TANC1: variants seen among roughly 807,000 people sequenced by gnomAD.
TANC1 encodes the protein tetratricopeptide repeat, ankyrin repeat and coiled-coil containing 1.
A neutral mutation model predicts 149.7 loss-of-function variants in TANC1; 77 were observed. The observed-to-expected ratio is 0.51, with a 90% CI of 0.43 to 0.62. The LOEUF (loss-of-function observed/expected upper bound fraction) is 0.62. Ranked by LOEUF, TANC1 falls within the 20% of genes least tolerant of loss-of-function variation. The pLI, the probability that TANC1 is intolerant of heterozygous loss-of-function variation, is 0.00. For synonymous variants in TANC1, 854 were observed against 925.0 expected, an observed-to-expected ratio of 0.92 and a Z score of 1.39; for missense variants, 1,985 against 2,321.8, an observed-to-expected ratio of 0.85 and a Z score of 2.98.
At chr2:158,994,017 C>T (rs984218009) in intron 1 of TANC1, among the ~76,000 whole-genome samples, 1 of 152,170 alleles carries the variant, frequency 6.6e-6, no homozygotes, top group African/African-American at 2.4e-5. Context: ...ATTGTTTGGA[C>T]CATGCACTAG....
At position 159,001,523 on chromosome 2, in the gene TANC1, A is replaced by G. The variant is rs1440002515; in HGVS notation, c.-16+334A>G. 6.6e-6 allele frequency among the ~76,000 whole-genome samples: 1 copy of G among 152,212 alleles called. No homozygotes were observed. The highest frequency in any genetic ancestry group is 1.5e-5 in the Non-Finnish European group (1 of 68,030). On this transcript the variant is annotated intron_variant, in intron 2 of 26. Coordinates refer to ENST00000263635, the MANE Select transcript of TANC1 (RefSeq NM_033394.3). The surrounding 1 kb of genome is among the most constrained non-coding windows in gnomAD (Gnocchi z 4.3). Reference sequence around the variant, plus strand: ...GGTTAAAACGGTAAATTTTATGTCTATTTTATCACAATGAAAAATAAAAAC... The same window carrying G: ...GGTTAAAACGGTAAATTTTATGTCTGTTTTATCACAATGAAAAATAAAAAC...
chr2:159,032,905 T>C (rs2039896105), intron 2 of TANC1, among the ~76,000 whole-genome samples: 1 of 152,224 alleles, frequency 6.6e-6, no homozygotes, highest in Admixed American at 6.5e-5. Context: ...ATATGACTTC[T>C]GTCTTTGATA....
At chr2:159,060,130 C>T (rs937578498) in intron 2 of TANC1, 11 of 963,600 alleles carry the variant, frequency 1.1e-5, no homozygotes, top group East Asian at 1.1e-4. Flanking sequence ...AGACTAACTA[C>T]GTTTTAAGAA....
intron 3 of TANC1, among the ~76,000 whole-genome samples, chr2:159,067,256 A>G (rs2042752538): frequency 6.6e-6 from 1 of 152,182 alleles, no homozygotes; most frequent in Admixed American, 6.5e-5. Context: ...ATTTATTTTT[A>G]TTGCTAATTA....
At chr2:159,058,257 G>C (rs373706177) in intron 2 of TANC1, among the ~76,000 whole-genome samples, 1 of 152,188 alleles carries the variant, frequency 6.6e-6, no homozygotes, top group Non-Finnish European at 1.5e-5. Flanking sequence ...TGCAGCCAGT[G>C]CTTCTGAAAG....
At chr2:159,079,320 C>T (rs951494428) in intron 3 of TANC1, among the ~76,000 whole-genome samples, 2 of 148,784 alleles carry the variant, frequency 1.3e-5, no homozygotes, top group African/African-American at 4.9e-5. Flanking sequence ...TGTGAGCAAC[C>T]TCACTTGGCT....
At chr2:159,076,619 C>T (rs1289083837) in intron 3 of TANC1, among the ~76,000 whole-genome samples, 1 of 152,218 alleles carries the variant, frequency 6.6e-6, no homozygotes, top group East Asian at 1.9e-4. Flanking sequence ...TCCATGGCTG[C>T]ATGCTCTTAG....
At chr2:159,108,655 CGACTCATCA>C (rs2047422458) in intron 4 of TANC1, among the ~76,000 whole-genome samples, 2 of 152,268 alleles carry the variant, frequency 1.3e-5, no homozygotes, top group South Asian at 4.2e-4. Flanking sequence ...TATTCCAGCT[CGACTCATCA>C]GGTTTGCTGT....
At chr2:159,197,982 C>T (rs1282190607) in intron 18 of TANC1, among the ~76,000 whole-genome samples, 1 of 152,204 alleles carries the variant, frequency 6.6e-6, no homozygotes, top group African/African-American at 2.4e-5. Flanking sequence ...GTCAGCCTTC[C>T]TTCTGAAGTC....
chr2:158,976,609 G>A (rs1329134796), intron 1 of TANC1, among the ~76,000 whole-genome samples: 1 of 152,180 alleles, frequency 6.6e-6, no homozygotes, highest in Non-Finnish European at 1.5e-5. Context: ...GGCTGAGCGC[G>A]GTGACTCATG....
intron 4 of TANC1, among the ~76,000 whole-genome samples, chr2:159,098,364 C>G (rs1442120498): frequency 1.3e-5 from 2 of 152,180 alleles, no homozygotes; most frequent in Non-Finnish European, 1.5e-5. Context: ...ATATAGTAGG[C>G]TATGCCACCT....
rs1367714526 is a variant in TANC1, at chr2:159,194,543, C to G, written c.2979+50C>G. On this transcript the variant is annotated intron_variant, in intron 17 of 26. Coordinates refer to ENST00000263635, the MANE Select transcript of TANC1 (RefSeq NM_033394.3). ...GGCTGGGGCAGGGAAATGGCTTCAT[C>G]TCATTGCTAGAATTGTTATTTGCTG... 4 of 1,455,032 alleles carry G rather than the reference C, an allele frequency of 2.7e-6. No homozygotes were observed. The African/African-American group carries it at 4.2e-5, about 15-fold the overall frequency. 90.1% of individuals were successfully genotyped at this position (1,455,032 alleles called of 1,614,324 possible).
chr2:159,065,748 A>G (rs1038709760), intron 2 of TANC1, 148 bp from the exon 3 acceptor site: 32 of 565,502 alleles, frequency 5.7e-5, no homozygotes, highest in Middle Eastern at 5.0e-4. Context: ...ACCATAGTTT[A>G]TTCAAAGAAA....
chr2:159,194,100 T>C (rs1402308992), intron 16 of TANC1, among the ~76,000 whole-genome samples, 157 bp from the exon 17 acceptor site: 1 of 152,230 alleles, frequency 6.6e-6, no homozygotes, highest in Non-Finnish European at 1.5e-5. Flanking sequence ...CCAATGAGAA[T>C]GTGCATTGTT....
intron 1 of TANC1, among the ~76,000 whole-genome samples, chr2:158,991,091 C>CAAAAAAAAAAAAAA (rs34411224): frequency 1.4e-5 from 1 of 70,166 alleles, no homozygotes; most frequent in African/African-American, 5.9e-5. Context: ...GATCCTGTGT[C>CAAAAAAAAAAAAAA]AAAAAAAAAA....
intron 10 of TANC1, among the ~76,000 whole-genome samples, chr2:159,171,712 C>G (rs952291777): frequency 6.6e-6 from 1 of 151,906 alleles, no homozygotes; most frequent in African/African-American, 2.4e-5. Flanking sequence ...CAAAAATTAG[C>G]TGGGTGTGGT....
chr2:159,005,371 G>A (rs1313062692), intron 2 of TANC1, among the ~76,000 whole-genome samples: 1 of 152,104 alleles, frequency 6.6e-6, no homozygotes, highest in African/African-American at 2.4e-5. Context: ...CAGGTGGATT[G>A]CTTGACCTCT....
intron 16 of TANC1, among the ~76,000 whole-genome samples, chr2:159,189,986 A>G (rs1195333396): frequency 1.5e-4 from 23 of 152,210 alleles, no homozygotes; most frequent in Non-Finnish European, 1.5e-5. Flanking sequence ...GAAGCAGAGG[A>G]AGTGTGAATT....
At position 159,170,652 on chromosome 2, in the gene TANC1, A is replaced by G; in HGVS notation, c.1198A>G (p.Arg400Gly). Reference protein sequence around the residue: ...WLFHQIEENLRNTELAENRGA... With the variant: ...WLFHQIEENLGNTELAENRGA... ...CTTTCACCAGATAGAAGAAAACTTG[A>G]GGAACACAGAACTGGCAGAAAACAG... is the stretch of plus-strand genomic sequence containing the variant. The change falls in exon 10 of 27, where the codon AGG (arginine) becomes GGG (glycine). Residue 400 changes from arginine to glycine, a missense_variant. Around this residue, in one of 3 missense-constraint regions of TANC1, gnomAD observed 557 missense variants for 612.9 expected, o/e 0.91. Coordinates refer to ENST00000263635, the MANE Select transcript of TANC1 (RefSeq NM_033394.3). 4 of 1,614,160 alleles carry G rather than the reference A, an allele frequency of 2.5e-6. No individual in the cohort carries two copies. The highest frequency in any genetic ancestry group is 3.4e-6 in the Non-Finnish European group (4 of 1,180,040).
Sources: gnomAD v4.1 joint callset for allele counts (sites outside exome capture counted in the v4.1 genomes callset) on GRCh38, gnomAD v4.1.1 for gene constraint, gnomAD v4.1.1 regional missense constraint, Gnocchi (gnomAD v3.1) non-coding constraint, MANE v1.5 for transcripts, NCBI Gene and HGNC (gene_info 2026-07-23, HGNC 2026-07-21) for gene names.